The following RNGTT variants were observed in gnomAD, a reference collection of about 807,000 sequenced individuals.
RNGTT encodes RNA guanylyltransferase and 5'-phosphatase.
In RNGTT, 33 loss-of-function variants were observed where a neutral mutation model predicts 79.3. The ratio of observed to expected loss-of-function variants is 0.42; its 90% CI spans 0.32 to 0.56. RNGTT has a LOEUF of 0.56. Ranked by LOEUF, RNGTT falls within the 20% of genes least tolerant of loss-of-function variation. The pLI is 0.17. For missense variants in RNGTT, 497 were observed against 739.1 expected (o/e 0.67, Z 3.80); for synonymous variants, 222 against 235.9 (o/e 0.94, Z 0.54).
At chr6:88,757,096 G>T (rs1376172189) in intron 13 of RNGTT, among the ~76,000 whole-genome samples, 1 of 152,082 alleles carries the variant, frequency 6.6e-6, no homozygotes, top group Non-Finnish European at 1.5e-5. Context: ...ACCACACACT[G>T]ATACACTATA....
intron 13 of RNGTT, among the ~76,000 whole-genome samples, chr6:88,725,439 C>A (rs1776859286): frequency 6.6e-6 from 1 of 152,186 alleles, no homozygotes; most frequent in African/African-American, 2.4e-5. Flanking sequence ...TTAAGACATA[C>A]CAAGGAGAGA....
intron 13 of RNGTT, among the ~76,000 whole-genome samples, chr6:88,709,766 T>C (rs1032575424): frequency 1.3e-5 from 2 of 152,210 alleles, no homozygotes; most frequent in Non-Finnish European, 2.9e-5. Flanking sequence ...ACATTTCAAG[T>C]GCTCAACAGC....
chr6:88,646,831 C>T (rs1773581702), intron 14 of RNGTT, among the ~76,000 whole-genome samples: 1 of 151,430 alleles, frequency 6.6e-6, no homozygotes, highest in African/African-American at 2.4e-5. Flanking sequence ...CATCACACAC[C>T]AGGGCCTGTT....
chr6:88,772,453 C>T (rs894048327), intron 12 of RNGTT, among the ~76,000 whole-genome samples: 3 of 151,876 alleles, frequency 2.0e-5, no homozygotes, highest in African/African-American at 7.3e-5. Flanking sequence ...TTTCAACAGA[C>T]CTAAAGAGTC....
At chr6:88,729,489 C>G (rs973934870) in intron 13 of RNGTT, among the ~76,000 whole-genome samples, 2 of 151,358 alleles carry the variant, frequency 1.3e-5, no homozygotes, top group Non-Finnish European at 2.9e-5. Context: ...AAGGGGAGTA[C>G]CAGATCAATT....
chr6:88,715,636 C>T (rs1008362722), intron 13 of RNGTT, among the ~76,000 whole-genome samples: 1 of 152,070 alleles, frequency 6.6e-6, no homozygotes, highest in African/African-American at 2.4e-5. Context: ...CAATGGAACA[C>T]AACAGAGCCC....
Position 88,906,428 on chromosome 6 carries a change from G to C in RNGTT, c.380C>G (p.Thr127Ser). The C allele has an allele frequency of 1.3e-6, 2 of 1,593,320 alleles. No individual in the cohort carries two copies. Among genetic ancestry groups the C allele is most frequent in the Non-Finnish European group, 1.7e-6 (2 of 1,172,308 alleles). The change falls in exon 5 of 16, where the codon ACT becomes AGT. Residue 127 changes from threonine to serine, a missense_variant. This residue lies in a region of RNGTT where 440 missense variants were observed against 671.5 expected (regional missense o/e 0.66). Transcript: ENST00000369485. ...NPPELIGVHC[T>S]HGFNRTGFLI... The stretch of plus-strand genomic sequence containing the variant: ...GAAACCAGTGCGATTGAAGCCATGA[G>C]TACAATGAACACCTAGAAAATAAAG...
At chr6:88,930,095 C>T (rs539731192) in intron 2 of RNGTT, among the ~76,000 whole-genome samples, 10 of 112,892 alleles carry the variant, frequency 8.9e-5, no homozygotes, top group South Asian at 8.5e-4. Context: ...TATACATATA[C>T]GTATATACAT....
At chr6:88,715,353 G>A (rs1387378595) in intron 13 of RNGTT, among the ~76,000 whole-genome samples, 2 of 152,086 alleles carry the variant, frequency 1.3e-5, no homozygotes, top group African/African-American at 4.8e-5. Context: ...ATGCTCATGG[G>A]TAGGAAGAAT....
intron 11 of RNGTT, among the ~76,000 whole-genome samples, chr6:88,842,316 T>G (rs1355231549): frequency 2.0e-5 from 3 of 151,980 alleles, no homozygotes; most frequent in African/African-American, 7.2e-5. Flanking sequence ...GCAGTTTATA[T>G]GTCTTAAAAA....
At chr6:88,754,944 C>T (rs773596954) in intron 13 of RNGTT, among the ~76,000 whole-genome samples, 6 of 152,166 alleles carry the variant, frequency 3.9e-5, no homozygotes, top group Admixed American at 1.3e-4. Flanking sequence ...AATCTCTGTT[C>T]GAGGCTCTCA....
At chr6:88,720,725 T>G (rs1298939971) in intron 13 of RNGTT, among the ~76,000 whole-genome samples, 1 of 152,128 alleles carries the variant, frequency 6.6e-6, no homozygotes, top group South Asian at 2.1e-4. Flanking sequence ...AGATTAGGAA[T>G]CTGGTCTACC....
At chr6:88,635,837 T>C (rs1484116286) in intron 14 of RNGTT, among the ~76,000 whole-genome samples, 1 of 151,710 alleles carries the variant, frequency 6.6e-6, no homozygotes, top group African/African-American at 2.4e-5. Context: ...CTACTTAATA[T>C]ATCACTCCTA....
At chr6:88,873,513 C>T (rs938244766) in intron 8 of RNGTT, among the ~76,000 whole-genome samples, 31 of 152,030 alleles carry the variant, frequency 2.0e-4, no homozygotes, top group Non-Finnish European at 1.2e-4. Flanking sequence ...TGGCACATAA[C>T]AGACACTTAA....
chr6:88,668,030 G>C (rs778461554), intron 14 of RNGTT, among the ~76,000 whole-genome samples: 1 of 152,168 alleles, frequency 6.6e-6, no homozygotes, highest in African/African-American at 2.4e-5. Flanking sequence ...AGGAGAAATT[G>C]AGCTGCAATG....
intron 1 of RNGTT, among the ~76,000 whole-genome samples, chr6:88,951,530 T>C (rs1785247753): frequency 6.6e-6 from 1 of 152,008 alleles, no homozygotes; most frequent in Non-Finnish European, 1.5e-5. Context: ...GCCAAACAGA[T>C]CCGTTGAAAG....
At chr6:88,903,179 G>A (rs1359095365) in intron 6 of RNGTT, among the ~76,000 whole-genome samples, 3 of 152,170 alleles carry the variant, frequency 2.0e-5, no homozygotes. Flanking sequence ...TGGACTAAAT[G>A]ATAAGGCAAA....
intron 13 of RNGTT, among the ~76,000 whole-genome samples, chr6:88,748,192 C>A (rs1338508904): frequency 6.6e-6 from 1 of 152,072 alleles, no homozygotes; most frequent in Non-Finnish European, 1.5e-5. Flanking sequence ...AAAGTCAAAT[C>A]GAATGTCAGT....
intron 13 of RNGTT, among the ~76,000 whole-genome samples, chr6:88,711,799 C>A (rs1351338502): frequency 6.6e-6 from 1 of 152,122 alleles, no homozygotes; most frequent in Admixed American, 6.5e-5. Flanking sequence ...CTCATTCACC[C>A]ATTTACTCAT....
Sources: allele counts gnomAD v4.1 joint callset (sites outside exome capture counted in the v4.1 genomes callset), GRCh38; gene constraint gnomAD v4.1.1; regional missense constraint gnomAD v4.1.1; transcripts MANE v1.5; gene names NCBI Gene and HGNC (gene_info 2026-07-23, HGNC 2026-07-21).